The following TACR1 variants were observed in gnomAD, a reference collection of about 807,000 sequenced individuals.
TACR1 encodes the protein tachykinin receptor 1.
Under a neutral mutation model 35.8 loss-of-function variants are expected in TACR1, and 25 were observed. That is an observed-to-expected ratio of 0.70 (90% CI 0.51 to 0.98). The LOEUF (loss-of-function observed/expected upper bound fraction) is 0.98, where lower values mean the gene tolerates loss of function less well. Among genes scored for constraint, TACR1 ranks in the 50% least tolerant of loss-of-function variants. The probability of loss-of-function intolerance (pLI) is 0.00; values close to 1 mark genes in which losing one functional copy is unlikely to be tolerated. For missense variants in TACR1, 478 were observed against 522.9 expected (o/e 0.91, Z 0.84); for synonymous variants, 195 against 206.7 (o/e 0.94, Z 0.48).
chr2:75,106,901 C>G (rs1424981681), intron 2 of TACR1, among the ~76,000 whole-genome samples: 1 of 151,302 alleles, frequency 6.6e-6, no homozygotes, highest in Non-Finnish European at 1.5e-5. Flanking sequence ...CCAACTATAA[C>G]AATATATATA....
At chr2:75,125,584 T>C (rs528516661) in intron 1 of TACR1, among the ~76,000 whole-genome samples, 2 of 152,280 alleles carry the variant, frequency 1.3e-5, no homozygotes, top group African/African-American at 4.8e-5. Context: ...CATTGAAAGT[T>C]TGGTTGCATA....
rs745307570 is a variant in TACR1 at position 75,102,380 on chromosome 2, C to T, written c.584+18194G>A. 5.9e-5 allele frequency among the ~76,000 whole-genome samples: 9 copies of T among 152,148 alleles called. No homozygotes were observed. In the South Asian group the frequency reaches 6.2e-4, roughly 11 times the overall value. Reference sequence around the variant, plus strand: ...CACTAAGTTTCGGAATGATTTGTTACGCAGCAGGAACTAACTGATACACGA... The same window carrying T: ...CACTAAGTTTCGGAATGATTTGTTATGCAGCAGGAACTAACTGATACACGA... On this transcript the variant is annotated intron_variant, in intron 2 of 4. Transcript: ENST00000305249.
At chr2:75,088,418 T>C (rs145030786) in intron 2 of TACR1, among the ~76,000 whole-genome samples, 146 of 152,366 alleles carry the variant, frequency 9.6e-4, no homozygotes, top group Non-Finnish European at 4.4e-5. Context: ...TCAAAGTGCT[T>C]ATCACAGCTA....
intron 2 of TACR1, among the ~76,000 whole-genome samples, chr2:75,069,491 C>T (rs11695973): frequency 0.24 from 37,108 of 152,020 alleles, 5,840 homozygotes; most frequent in African/African-American, 0.41. Flanking sequence ...TAGTGTAGTA[C>T]ATTTGTCACA....
chr2:75,154,166 T>C (rs1450339657), intron 1 of TACR1, among the ~76,000 whole-genome samples: 1 of 152,014 alleles, frequency 6.6e-6, no homozygotes, highest in Non-Finnish European at 1.5e-5. Flanking sequence ...GCTGCCTTCC[T>C]CCCGGCTCCT....
chr2:75,101,924 A>G (rs541651715), intron 2 of TACR1, among the ~76,000 whole-genome samples: 1 of 152,268 alleles, frequency 6.6e-6, no homozygotes, highest in South Asian at 2.1e-4. Flanking sequence ...AGGCTGAGTG[A>G]TGGAGTGAGA....
At position 75,049,601 on chromosome 2, in the gene TACR1, C is replaced by T. The variant is rs201228266; in HGVS notation, c.1055G>A (p.Ser352Asn). 1.1e-5 allele frequency: 17 copies of T among 1,614,160 alleles called. No homozygotes were observed. Among genetic ancestry groups the T allele is most frequent in the South Asian group, 2.2e-5 (2 of 91,088 alleles). The change falls in exon 5 of 5, where the codon AGC becomes AAC. Residue 352 changes from serine to asparagine, a missense_variant. Transcript: ENST00000305249. ...LQTQGSVYKVSRLETTISTVV... is the reference protein window; with the variant it reads ...LQTQGSVYKVNRLETTISTVV... Reference sequence around the variant, plus strand: ...TGTGGAGATGGTGGTCTCCAGGCGGCTGACTTTGTACACACTGCCCTGGGT... The same window carrying T: ...TGTGGAGATGGTGGTCTCCAGGCGGTTGACTTTGTACACACTGCCCTGGGT...
chr2:75,068,248 T>C (rs1672806022), intron 2 of TACR1, among the ~76,000 whole-genome samples: 1 of 152,184 alleles, frequency 6.6e-6, no homozygotes, highest in Non-Finnish European at 1.5e-5. Flanking sequence ...TGAGGCAGAA[T>C]TCCTTTCTTT....
intron 1 of TACR1, among the ~76,000 whole-genome samples, chr2:75,134,913 G>A (rs1674249688): frequency 6.6e-6 from 1 of 152,180 alleles, no homozygotes; most frequent in South Asian, 2.1e-4. Flanking sequence ...GGAAAGACAA[G>A]GTCTCACAGG....
At chr2:75,148,403 A>G (rs1216001643) in intron 1 of TACR1, among the ~76,000 whole-genome samples, 1 of 152,120 alleles carries the variant, frequency 6.6e-6, no homozygotes, top group Non-Finnish European at 1.5e-5. Context: ...TTTTTTAATA[A>G]TCACCATCCT....
chr2:75,119,271 G>A (rs922215280), intron 2 of TACR1, among the ~76,000 whole-genome samples: 71 of 152,118 alleles, frequency 4.7e-4, no homozygotes, highest in South Asian at 8.3e-4. Flanking sequence ...ACATTATCTC[G>A]TTTGATCTTC....
rs541816443 is a variant in TACR1 at position 75,054,673 on chromosome 2, G to A, written c.585-918C>T. Among the ~76,000 whole-genome samples the A allele has an allele frequency of 3.9e-5, 6 of 152,078 alleles. No homozygotes were observed. The South Asian group carries it at 1.0e-3, about 26-fold the overall frequency. ...AAATATATTTTTCTTGGGGGTTTGG[G>A]GGTCCTTGGTTTGTCTGGTTAGTTA... On this transcript the variant is annotated intron_variant, in intron 2 of 4. Transcript: ENST00000305249.
chr2:75,082,479 A>G (rs1484593004), intron 2 of TACR1, among the ~76,000 whole-genome samples: 1 of 152,212 alleles, frequency 6.6e-6, no homozygotes, highest in Non-Finnish European at 1.5e-5. Flanking sequence ...TTCCAGTTCT[A>G]GATCCCTGAG....
chr2:75,159,863 A>G (rs1032316123), intron 1 of TACR1, among the ~76,000 whole-genome samples: 3 of 152,126 alleles, frequency 2.0e-5, no homozygotes, highest in African/African-American at 7.2e-5. Flanking sequence ...TCCTGGAGAA[A>G]CTATTTACCG....
chr2:75,183,555 G>A (rs1045165958), intron 1 of TACR1, among the ~76,000 whole-genome samples: 4 of 152,126 alleles, frequency 2.6e-5, no homozygotes, highest in African/African-American at 9.7e-5. Context: ...GTGCCCATGA[G>A]GATGTGTCTC....
chr2:75,066,132 T>C (rs1672758334), intron 2 of TACR1, among the ~76,000 whole-genome samples: 2 of 152,230 alleles, frequency 1.3e-5, no homozygotes, highest in Non-Finnish European at 2.9e-5. Flanking sequence ...TTTCATATTT[T>C]CTACCTGCAG....
In TACR1 at chr2:75,120,646, G is replaced by C. The variant is rs754300079; in HGVS notation, c.512C>G (p.Thr171Arg). Reference protein sequence around the residue: ...LAFPQGYYSTTETMPSRVVCM... With the variant: ...LAFPQGYYSTRETMPSRVVCM... ...CACGACTCTGCTGGGCATGGTCTCT[G>C]TGGTTGAGTAGTAGCCCTGGGGGAA... Residue 171 changes from threonine (T) to arginine (R), a missense_variant, in exon 2 of 5, where the codon ACA becomes AGA. Coordinates refer to ENST00000305249, the MANE Select transcript of TACR1 (RefSeq NM_001058.4). The C allele has an allele frequency of 1.2e-6, 2 of 1,614,082 alleles. No individual in the cohort carries two copies. Among genetic ancestry groups the C allele is most frequent in the Non-Finnish European group, 1.7e-6 (2 of 1,179,996 alleles).
At chr2:75,088,839 C>G (rs1375588948) in intron 2 of TACR1, among the ~76,000 whole-genome samples, 1 of 152,098 alleles carries the variant, frequency 6.6e-6, no homozygotes, top group Non-Finnish European at 1.5e-5. Flanking sequence ...TCCTCACTCC[C>G]TGCAATTTCC....
chr2:75,198,341 G>A (rs931875561), intron 1 of TACR1, among the ~76,000 whole-genome samples: 5 of 152,166 alleles, frequency 3.3e-5, no homozygotes, highest in Non-Finnish European at 5.9e-5. Flanking sequence ...AAGGAAGAGA[G>A]AGAGTGATGG....
Sources: gnomAD v4.1 joint callset for allele counts (sites outside exome capture counted in the v4.1 genomes callset) on GRCh38, gnomAD v4.1.1 for gene constraint, MANE v1.5 for transcripts, NCBI Gene and HGNC (gene_info 2026-07-23, HGNC 2026-07-21) for gene names.